The following SECTM1 variants were observed in gnomAD, a reference collection of about 807,000 sequenced individuals.
SECTM1 encodes the protein secreted and transmembrane protein 1.
SECTM1 carries 10 observed loss-of-function variants against 18.1 expected under a neutral mutation model. That is an observed-to-expected ratio of 0.55 (90% CI 0.34 to 0.94). The LOEUF (loss-of-function observed/expected upper bound fraction) is 0.94. SECTM1 is among the 40% of genes least tolerant of loss of function. The probability of loss-of-function intolerance (pLI) is 0.02; values close to 1 mark genes in which losing one functional copy is unlikely to be tolerated. For missense variants in SECTM1, 297 were observed against 322.6 expected (o/e 0.92, Z 0.61); for synonymous variants, 137 against 139.2 (o/e 0.98, Z 0.11).
rs1010350063 is a variant in SECTM1, at chr17:82,325,637, T to C, written c.95-747A>G. ...CGCCTCCTGGGTGAACCCTGCCCCA[T>C]AGCGACCCGTGCAGCTGCTTCCCTC... On this transcript the variant is annotated intron_variant, in intron 2 of 4. Transcript: ENST00000269389. The surrounding 1 kb of genome is among the most constrained non-coding windows in gnomAD (Gnocchi z 7.6). 2.6e-5 allele frequency among the ~76,000 whole-genome samples: 4 copies of C among 152,190 alleles called. No individual in the cohort carries two copies. Among genetic ancestry groups the C allele is most frequent in the Admixed American group, 1.3e-4 (2 of 15,280 alleles).
At chr17:82,323,854 C>A (rs923735766) in intron 3 of SECTM1, among the ~76,000 whole-genome samples, 3 of 149,876 alleles carry the variant, frequency 2.0e-5, no homozygotes, top group Admixed American at 6.6e-5. Context: ...CAGCGAGCAT[C>A]CCCTGAGGGC....
rs1182021088 is a variant in SECTM1 at position 82,333,752 on chromosome 17, A to G, written c.-105T>C. On this transcript the variant is annotated 5_prime_UTR_variant, in exon 1 of 5. Coordinates refer to ENST00000269389, the MANE Select transcript of SECTM1 (RefSeq NM_003004.3). ...GGGATGCAGCTTCTCCGCGCCCCGG[A>G]GCCCCAGGAAAATGAAAGACACGAG... is the stretch of plus-strand genomic sequence containing the variant. The G allele has an allele frequency of 6.6e-6, 1 of 151,962 alleles. No individual in the cohort carries two copies. The highest frequency in any genetic ancestry group is 2.4e-5 in the African/African-American group (1 of 41,218). 9.4% of individuals were successfully genotyped at this position (151,962 alleles called of 1,614,324 possible).
chr17:82,332,941 G>T (rs977256777), intron 1 of SECTM1, among the ~76,000 whole-genome samples: 2 of 152,230 alleles, frequency 1.3e-5, no homozygotes, highest in Non-Finnish European at 2.9e-5. Context: ...GCTGACCACC[G>T]GCAGAAAACG....
Position 82,325,279 on chromosome 17 carries a change from G to A in SECTM1, c.95-389C>T, listed in dbSNP as rs897411715. 2.0e-5 allele frequency among the ~76,000 whole-genome samples: 3 copies of A among 152,186 alleles called. No homozygotes were observed. Among genetic ancestry groups the A allele is most frequent in the Non-Finnish European group, 4.4e-5 (3 of 68,024 alleles). ...GCAGGAGTGCTGCCACTGACCTGCC[G>A]AATCACCCTCCTCGTGGGAAGCAGT... On this transcript the variant is annotated intron_variant, in intron 2 of 4. Coordinates refer to ENST00000269389, the MANE Select transcript of SECTM1 (RefSeq NM_003004.3). The surrounding 1 kb of genome is among the most constrained non-coding windows in gnomAD (Gnocchi z 7.6).
At position 82,328,838 on chromosome 17, in the gene SECTM1, C is replaced by A. The variant is rs1210607490; in HGVS notation, c.-52-1546G>T. On this transcript the variant is annotated intron_variant, in intron 1 of 4. Coordinates refer to ENST00000269389, the MANE Select transcript of SECTM1 (RefSeq NM_003004.3). The surrounding 1 kb of genome is among the most constrained non-coding windows in gnomAD (Gnocchi z 5.8). The stretch of plus-strand genomic sequence containing the variant: ...GCCCTGCCTCTCGGGTGCCTGCACC[C>A]CTGCTAGGAAAAGTCCCTAGGTAGG... 6.6e-6 allele frequency among the ~76,000 whole-genome samples: 1 copy of A among 152,170 alleles called. No homozygotes were observed. The highest frequency in any genetic ancestry group is 2.4e-5 in the African/African-American group (1 of 41,434).
At chr17:82,322,745 T>C in intron 4 of SECTM1, 133 bp downstream of exon 4, 1 of 1,162,036 alleles carries the variant, frequency 8.6e-7, no homozygotes, top group Non-Finnish European at 1.2e-6. Context: ...GGGGACTGGC[T>C]CTCTGGGACC....
intron 4 of SECTM1, 141 bp from the exon 5 acceptor site, chr17:82,322,511 G>A (rs1234333579): frequency 1.2e-6 from 1 of 857,492 alleles, no homozygotes; most frequent in Non-Finnish European, 1.8e-6. Context: ...CCCTCGCCTG[G>A]GTTCTGAAAC....
In SECTM1 at chr17:82,324,899, CCAGA is replaced by C; in HGVS notation, c.95-13_95-10del. ...GATGGGGCTGTCCCAGCCTGTAGGG[CCAGA>C]CAGAGGCACACACGGATCAGGGCTG... On this transcript the variant is annotated splice_polypyrimidine_tract_variant and intron_variant, in intron 2 of 4. Transcript: ENST00000269389. 1.2e-6 allele frequency: 2 copies of C among 1,604,164 alleles called. No individual in the cohort carries two copies. Among genetic ancestry groups the C allele is most frequent in the Non-Finnish European group, 1.7e-6 (2 of 1,173,992 alleles).
rs578118042 is a variant in SECTM1 at position 82,326,011 on chromosome 17, C to T, written c.95-1121G>A. On this transcript the variant is annotated intron_variant, in intron 2 of 4. Coordinates refer to ENST00000269389, the MANE Select transcript of SECTM1 (RefSeq NM_003004.3). The surrounding 1 kb of genome is among the most constrained non-coding windows in gnomAD (Gnocchi z 4.3). ...TCGGGCTGGACTGAGTTTCCTCTGA[C>T]GAGCAGGCTGGCTGCCTGCCTGGAC... 3.9e-5 allele frequency among the ~76,000 whole-genome samples: 6 copies of T among 152,366 alleles called. No homozygotes were observed. The highest frequency in any genetic ancestry group is 4.1e-4 in the South Asian group (2 of 4,832).
intron 1 of SECTM1, among the ~76,000 whole-genome samples, chr17:82,332,481 G>A (rs2052200051): frequency 6.6e-6 from 1 of 152,178 alleles, no homozygotes; most frequent in African/African-American, 2.4e-5. Context: ...TGTGGTCAGT[G>A]GACTCTGTAC....
intron 2 of SECTM1, 67 bp from the exon 3 acceptor site, chr17:82,324,957 C>G (rs2052133636): frequency 6.6e-7 from 1 of 1,504,324 alleles, no homozygotes; most frequent in Admixed American, 1.9e-5. Context: ...GGCTGCTGTG[C>G]CCAGGGCCAG....
rs1406210443 is a variant in SECTM1 at position 82,326,159 on chromosome 17, G to A, written c.94+988C>T. 6.6e-6 allele frequency among the ~76,000 whole-genome samples: 1 copy of A among 152,246 alleles called. No homozygotes were observed. The highest frequency in any genetic ancestry group is 1.5e-5 in the Non-Finnish European group (1 of 68,036). ...CAGTTACACTTTGGAACCACTGTTG[G>A]GGGGTGGGGGCAGAATCTCCCGAAA... On this transcript the variant is annotated intron_variant, in intron 2 of 4. Coordinates refer to ENST00000269389, the MANE Select transcript of SECTM1 (RefSeq NM_003004.3). This position sits in a 1 kb window ranked among gnomAD's most constrained non-coding sequence, Gnocchi z 4.3.
In SECTM1 at chr17:82,330,346, G is replaced by A. The variant is rs553347272; in HGVS notation, c.-52-3054C>T. On this transcript the variant is annotated intron_variant, in intron 1 of 4. Coordinates refer to ENST00000269389, the MANE Select transcript of SECTM1 (RefSeq NM_003004.3). The surrounding 1 kb of genome is among the most constrained non-coding windows in gnomAD (Gnocchi z 6.1). ...AGTCTGTTTCACAAATGCTTCCAGG[G>A]ACTGCCCCTGCCATGTGTTAGGGGT... Among the ~76,000 whole-genome samples the A allele has an allele frequency of 6.6e-5, 10 of 152,256 alleles. No homozygotes were observed. In the East Asian group the frequency reaches 1.7e-3, roughly 26 times the overall value.
At position 82,326,285 on chromosome 17, in the gene SECTM1, G is replaced by T. The variant is rs1034466892; in HGVS notation, c.94+862C>A. Among the ~76,000 whole-genome samples the T allele has an allele frequency of 1.3e-5, 2 of 152,188 alleles. No homozygotes were observed. The highest frequency in any genetic ancestry group is 4.8e-5 in the African/African-American group (2 of 41,444). On this transcript the variant is annotated intron_variant, in intron 2 of 4. Transcript: ENST00000269389. The surrounding 1 kb of genome is among the most constrained non-coding windows in gnomAD (Gnocchi z 4.3). ...ACTGCTTTGGGATGTGGTTTGGGATGTGGCTGAGCTCTGACATCTTTTAAA... is the reference window on the plus strand; with the variant it reads ...ACTGCTTTGGGATGTGGTTTGGGATTTGGCTGAGCTCTGACATCTTTTAAA...
In SECTM1 at chr17:82,322,102, G is replaced by A. The variant is rs1353992144; in HGVS notation, c.*59C>T. ...GGGTGGGACGAGAGACCCAGGCCCC[G>A]CCACCCAAGGTCGGCACTCAGGGCT... On this transcript the variant is annotated 3_prime_UTR_variant, in exon 5 of 5. Coordinates refer to ENST00000269389, the MANE Select transcript of SECTM1 (RefSeq NM_003004.3). 7.0e-6 allele frequency: 11 copies of A among 1,564,424 alleles called. No homozygotes were observed. The highest frequency in any genetic ancestry group is 9.7e-6 in the Non-Finnish European group (11 of 1,138,028).
At position 82,331,865 on chromosome 17, in the gene SECTM1, C is replaced by T. The variant is rs1389046108; in HGVS notation, c.-53+1835G>A. ...CTCAAAACTTCTAGAGTGGGCCGGG[C>T]GCGGTGGCGCATGCCTGCAATCCCA... is the stretch of plus-strand genomic sequence containing the variant. On this transcript the variant is annotated intron_variant, in intron 1 of 4. Transcript: ENST00000269389. Among the ~76,000 whole-genome samples, 12 of 152,338 alleles carry T rather than the reference C, an allele frequency of 7.9e-5. 1 individual carries two copies. The highest frequency in any genetic ancestry group is 5.9e-4 in the Admixed American group (9 of 15,308).
intron 1 of SECTM1, among the ~76,000 whole-genome samples, chr17:82,331,968 C>T (rs1215004969): frequency 2.0e-5 from 3 of 151,900 alleles, no homozygotes; most frequent in Admixed American, 6.6e-5. Context: ...GGTGAAACCC[C>T]GTCTCTACTA....
chr17:82,326,565 CTCCAGCCTGGGCG>C lies in SECTM1; in HGVS notation c.94+569_94+581del, dbSNP rs963247336. On this transcript the variant is annotated intron_variant, in intron 2 of 4. Transcript: ENST00000269389. The surrounding 1 kb of genome is among the most constrained non-coding windows in gnomAD (Gnocchi z 4.3). ...GGTGAGCTGTGATTGTACCACTGCA[CTCCAGCCTGGGCG>C]TCCAGCCTGGGCGATAGAGGTAGAA... is the stretch of plus-strand genomic sequence containing the variant. 1.3e-5 allele frequency among the ~76,000 whole-genome samples: 2 copies of C among 151,998 alleles called. No individual in the cohort carries two copies. The highest frequency in any genetic ancestry group is 2.9e-5 in the Non-Finnish European group (2 of 67,986).
chr17:82,323,258 C>T (rs969955275), intron 3 of SECTM1: 1 of 521,090 alleles, frequency 1.9e-6, no homozygotes, highest in African/African-American at 1.9e-5. Flanking sequence ...AACATCTACC[C>T]CTGGATGTGC....
Sources: gnomAD v4.1 joint callset for allele counts (sites outside exome capture counted in the v4.1 genomes callset) on GRCh38, gnomAD v4.1.1 for gene constraint, Gnocchi (gnomAD v3.1) non-coding constraint, MANE v1.5 for transcripts, NCBI Gene and HGNC (gene_info 2026-07-23, HGNC 2026-07-21) for gene names.